The following USH2A variants were observed in gnomAD, a reference collection of about 807,000 sequenced individuals.
USH2A encodes the protein Usher syndrome 2A (autosomal recessive, mild).
In USH2A, 443 loss-of-function variants were observed where a neutral mutation model predicts 538.9. That is an observed-to-expected ratio of 0.82 (90% CI 0.76 to 0.89). USH2A has a LOEUF of 0.89. Ranked by LOEUF, USH2A falls within the 40% of genes least tolerant of loss-of-function variation. The pLI, the probability that USH2A is intolerant of heterozygous loss-of-function variation, is 0.00. For synonymous variants in USH2A, 2,413 were observed against 2,273.5 expected (o/e 1.06, Z -1.75); for missense variants, 6,633 against 6,324.8 (o/e 1.05, Z -1.65).
intron 9 of USH2A, among the ~76,000 whole-genome samples, chr1:216,315,415 A>G (rs1376459537): frequency 6.6e-6 from 1 of 152,178 alleles, no homozygotes; most frequent in East Asian, 1.9e-4. Flanking sequence ...CTGTATTGAT[A>G]GAAATAAGAT....
At chr1:216,177,845 A>G (rs1368097548) in intron 20 of USH2A, among the ~76,000 whole-genome samples, 1 of 152,086 alleles carries the variant, frequency 6.6e-6, no homozygotes, top group African/African-American at 2.4e-5. Flanking sequence ...CCCTTTAAGT[A>G]TGTCTGCTGG....
chr1:216,046,741 TA>T, intron 31 of USH2A, 149 bp from the exon 32 acceptor site: 1 of 917,782 alleles, frequency 1.1e-6, no homozygotes, highest in Non-Finnish European at 1.7e-6. Flanking sequence ...GTAATTGCTT[TA>T]GGAACAGTGT....
chr1:216,000,090 T>A (rs188129705), intron 33 of USH2A, among the ~76,000 whole-genome samples: 4 of 152,260 alleles, frequency 2.6e-5, no homozygotes, highest in Admixed American at 2.0e-4. Flanking sequence ...TATACATACT[T>A]TCTAATTCCA....
chr1:216,258,415 G>A (rs2036299470), intron 11 of USH2A, among the ~76,000 whole-genome samples: 1 of 152,046 alleles, frequency 6.6e-6, no homozygotes, highest in African/African-American at 2.4e-5. Context: ...ATAATTGAAA[G>A]TTGTGCTTTC....
At chr1:215,726,145 A>G (rs1400374288) in intron 61 of USH2A, among the ~76,000 whole-genome samples, 1 of 152,220 alleles carries the variant, frequency 6.6e-6, no homozygotes, top group Non-Finnish European at 1.5e-5. Context: ...AGGGTGTTTC[A>G]GTATACTCAT....
chr1:216,308,457 T>C (rs963610431), intron 9 of USH2A, among the ~76,000 whole-genome samples: 1 of 152,176 alleles, frequency 6.6e-6, no homozygotes, highest in Non-Finnish European at 1.5e-5. Context: ...TGTCTTTACA[T>C]GTATATTGAC....
chr1:215,805,225 G>A lies in USH2A; in HGVS notation c.9740-6100C>T, dbSNP rs535951271. ...GGTGCAACATACCAACATGGCACAT[G>A]TATATATATGTAACTAACCTGCACG... On this transcript the variant is annotated intron_variant, in intron 49 of 71. Coordinates refer to ENST00000307340, the MANE Select transcript of USH2A (RefSeq NM_206933.4). Among the ~76,000 whole-genome samples the A allele has an allele frequency of 1.9e-4, 29 of 152,034 alleles. No homozygotes were observed. In the South Asian group the frequency reaches 5.8e-3, roughly 30 times the overall value.
At position 216,104,920 on chromosome 1, in the gene USH2A, C is replaced by T. The variant is rs146116311; in HGVS notation, c.4628-7707G>A. Among the ~76,000 whole-genome samples, 15 of 152,236 alleles carry T rather than the reference C, an allele frequency of 9.9e-5. No individual in the cohort carries two copies. The East Asian group carries it at 2.7e-3, about 27-fold the overall frequency. On this transcript the variant is annotated intron_variant, in intron 21 of 71. Coordinates refer to ENST00000307340, the MANE Select transcript of USH2A (RefSeq NM_206933.4). ...TGGGAGAAATTTTTTGCAATCTACT[C>T]ATCTGACAAAGGGCTAATATCCAGA...
chr1:216,020,847 C>T (rs1174112757), intron 32 of USH2A, among the ~76,000 whole-genome samples: 1 of 152,128 alleles, frequency 6.6e-6, no homozygotes, highest in African/African-American at 2.4e-5. Flanking sequence ...TATATGCATC[C>T]TTTAAAATAA....
intron 35 of USH2A, among the ~76,000 whole-genome samples, chr1:215,980,987 T>G (rs1667739581): frequency 6.6e-6 from 1 of 152,150 alleles, no homozygotes; most frequent in Non-Finnish European, 1.5e-5. Flanking sequence ...TGTTGATATA[T>G]GTTCAATTTT....
chr1:216,226,196 T>C (rs2035557368), intron 14 of USH2A, among the ~76,000 whole-genome samples: 1 of 152,152 alleles, frequency 6.6e-6, no homozygotes, highest in South Asian at 2.1e-4. Flanking sequence ...TTTAAACATA[T>C]AATATGGAGC....
In USH2A at chr1:215,786,715, C is replaced by T. The variant is rs368049814; in HGVS notation, c.10342G>A (p.Glu3448Lys). 7.7e-5 allele frequency: 124 copies of T among 1,613,840 alleles called. No homozygotes were observed. The highest frequency in any genetic ancestry group is 1.6e-4 in the Middle Eastern group (1 of 6,082). Residue 3448 changes from glutamate to lysine, a missense_variant, in exon 52 of 72, where the codon GAA becomes AAA. Transcript: ENST00000307340. ...ACACTCCCTGTATGAATGGTTTCTT[C>T]GGCAGATGAACACATTTCTTCAATT... ...ASIEEMCSSA[E>K]ETIHTGSVNT... is the part of the protein sequence containing the mutation.
chr1:215,632,885 T>C (rs935153882), intron 70 of USH2A, among the ~76,000 whole-genome samples: 3 of 152,180 alleles, frequency 2.0e-5, no homozygotes, highest in Non-Finnish European at 4.4e-5. Flanking sequence ...AAACAGCCCA[T>C]GGTTCGAAGT....
At chr1:215,857,742 T>C (rs572102191) in intron 44 of USH2A, among the ~76,000 whole-genome samples, 1 of 152,294 alleles carries the variant, frequency 6.6e-6, no homozygotes, top group South Asian at 2.1e-4. Flanking sequence ...ACACTGGCCA[T>C]GACAACTCTG....
chr1:215,750,305 A>G (rs895894075), intron 58 of USH2A, among the ~76,000 whole-genome samples: 13 of 152,142 alleles, frequency 8.5e-5, no homozygotes, highest in Non-Finnish European at 8.8e-5. Context: ...TGGTTGTATA[A>G]TAGTTATCAT....
At chr1:215,736,377 A>G (rs1175784391) in intron 60 of USH2A, among the ~76,000 whole-genome samples, 1 of 152,160 alleles carries the variant, frequency 6.6e-6, no homozygotes, top group Non-Finnish European at 1.5e-5. Flanking sequence ...ATTTACCACA[A>G]GTGAAACAGA....
chr1:216,186,527 C>G (rs2034607938), intron 20 of USH2A, among the ~76,000 whole-genome samples: 1 of 151,896 alleles, frequency 6.6e-6, no homozygotes, highest in Non-Finnish European at 1.5e-5. Context: ...TCTTTCTTCC[C>G]AGATAGAATA....
chr1:216,299,945 T>G (rs977331260), intron 9 of USH2A, among the ~76,000 whole-genome samples: 1 of 152,194 alleles, frequency 6.6e-6, no homozygotes, highest in Non-Finnish European at 1.5e-5. Context: ...TATTTGGGTC[T>G]TTGATCCTAA....
chr1:215,782,310 T>G lies in USH2A; in HGVS notation c.10586-114A>C, dbSNP rs1661666408. 7.8e-6 allele frequency: 9 copies of G among 1,155,218 alleles called. No homozygotes were observed. The East Asian group carries it at 2.3e-4, about 30-fold the overall frequency. The allele number at this position is 1,155,218 out of a possible 1,614,324, so 71.6% of individuals were successfully genotyped here. ...ATGCAATACTATAGCTTTATTTAAT[T>G]TTAATTTCCTATTATATTGCTGTCT... On this transcript the variant is annotated intron_variant, in intron 53 of 71. Coordinates refer to ENST00000307340, the MANE Select transcript of USH2A (RefSeq NM_206933.4).
Sources: allele counts gnomAD v4.1 joint callset (sites outside exome capture counted in the v4.1 genomes callset), GRCh38; gene constraint gnomAD v4.1.1; transcripts MANE v1.5; gene names NCBI Gene and HGNC (gene_info 2026-07-23, HGNC 2026-07-21).